KCNK9: variants seen among roughly 807,000 people sequenced by gnomAD.
The protein encoded by KCNK9 is potassium channel subfamily K member 9.
A neutral mutation model predicts 10.8 loss-of-function variants in KCNK9; 1 was observed. The ratio of observed to expected loss-of-function variants is 0.09; its 90% CI spans 0.03 to 0.44. The LOEUF (loss-of-function observed/expected upper bound fraction) is 0.44. Ranked by LOEUF, KCNK9 falls within the 20% of genes least tolerant of loss-of-function variation. KCNK9 has a pLI of 0.97. For synonymous variants in KCNK9, 231 were observed against 222.7 expected, an observed-to-expected ratio of 1.04 and a Z score of -0.33; for missense variants, 303 against 515.0, an observed-to-expected ratio of 0.59 and a Z score of 3.98.
chr8:139,632,147 C>T (rs16911105), intron 1 of KCNK9, among the ~76,000 whole-genome samples: 2,457 of 152,300 alleles, frequency 0.016, 79 homozygotes, highest in East Asian at 0.087. Flanking sequence ...GGATTTGCCG[C>T]AACGCCCATT....
intron 1 of KCNK9, among the ~76,000 whole-genome samples, chr8:139,625,557 G>A (rs1279026908): frequency 6.6e-6 from 1 of 152,136 alleles, no homozygotes; most frequent in Non-Finnish European, 1.5e-5. Context: ...CAATCCCTAA[G>A]CCCAGGGCCC....
chr8:139,674,672 C>T (rs1447543212), intron 1 of KCNK9, among the ~76,000 whole-genome samples: 1 of 152,154 alleles, frequency 6.6e-6, no homozygotes, highest in Non-Finnish European at 1.5e-5. Flanking sequence ...GCCAGACGGT[C>T]TCTCCCCTCT....
At chr8:139,619,324 A>G (rs970282076) in intron 1 of KCNK9, among the ~76,000 whole-genome samples, 1 of 152,108 alleles carries the variant, frequency 6.6e-6, no homozygotes, top group Non-Finnish European at 1.5e-5. Context: ...GCAGGGGGGT[A>G]GGAACATTTC....
chr8:139,680,302 C>A (rs544308819), intron 1 of KCNK9, among the ~76,000 whole-genome samples: 1 of 152,142 alleles, frequency 6.6e-6, no homozygotes, highest in Non-Finnish European at 1.5e-5. Flanking sequence ...GGAAACTTCC[C>A]CAGGGCTGTG....
intron 1 of KCNK9, among the ~76,000 whole-genome samples, chr8:139,699,961 G>T (rs1390463375): frequency 6.6e-6 from 1 of 152,160 alleles, no homozygotes; most frequent in African/African-American, 2.4e-5. Context: ...AAACGCCAAT[G>T]AAGATTAACC....
chr8:139,650,024 A>G (rs1815813154), intron 1 of KCNK9, among the ~76,000 whole-genome samples: 2 of 152,196 alleles, frequency 1.3e-5, no homozygotes, highest in African/African-American at 4.8e-5. Context: ...ACCTGGGGAA[A>G]GAGAAGTGGC....
chr8:139,642,081 G>T (rs1195403632), intron 1 of KCNK9, among the ~76,000 whole-genome samples: 4 of 152,228 alleles, frequency 2.6e-5, no homozygotes, highest in African/African-American at 9.6e-5. Context: ...AGATAGTCTA[G>T]AACAGATTTC....
chr8:139,606,580 C>T (rs1364163654), intron 2 of KCNK9, among the ~76,000 whole-genome samples: 2 of 152,152 alleles, frequency 1.3e-5, no homozygotes, highest in Non-Finnish European at 2.9e-5. Context: ...GAGTCAAAAG[C>T]AACAAGTTTT....
chr8:139,701,383 A>G (rs2129824832), intron 1 of KCNK9, among the ~76,000 whole-genome samples: 1 of 152,366 alleles, frequency 6.6e-6, no homozygotes, highest in East Asian at 1.9e-4. Flanking sequence ...ACCAAGAAGG[A>G]AAGACAGGCC....
chr8:139,703,022 C>A lies in KCNK9; in HGVS notation c.-30G>T, dbSNP rs1276965586. The A allele has an allele frequency of 1.3e-6, 2 of 1,541,322 alleles. No homozygotes were observed. The highest frequency in any genetic ancestry group is 2.0e-5 in the Admixed American group (1 of 51,044). On this transcript the variant is annotated 5_prime_UTR_variant, in exon 1 of 2. The change abolishes an upstream ATG in the 5' untranslated region. Coordinates refer to ENST00000520439, the MANE Select transcript of KCNK9 (RefSeq NM_001282534.2). This position sits in a 1 kb window ranked among gnomAD's most constrained non-coding sequence, Gnocchi z 6.4. ...GCCAGCAAGGAGCCGGCGCGGGGGG[C>A]ATGTCCCGCAGGCTCACAGCCGCGC...
At chr8:139,657,945 C>T (rs1816061199) in intron 1 of KCNK9, among the ~76,000 whole-genome samples, 2 of 152,158 alleles carry the variant, frequency 1.3e-5, no homozygotes, top group Admixed American at 1.3e-4. Context: ...CAGGTCTCCC[C>T]CACAGGACAG....
intron 1 of KCNK9, among the ~76,000 whole-genome samples, chr8:139,645,327 C>T (rs1005307001): frequency 6.6e-6 from 1 of 152,144 alleles, no homozygotes; most frequent in Non-Finnish European, 1.5e-5. Flanking sequence ...GCCCACTAGA[C>T]TCAAGGATTC....
intron 1 of KCNK9, among the ~76,000 whole-genome samples, chr8:139,687,420 G>T (rs564748028): frequency 7.2e-6 from 1 of 138,094 alleles, no homozygotes. Context: ...TCATATATGT[G>T]TATACATATA....
At chr8:139,652,038 C>T (rs1486038676) in intron 1 of KCNK9, among the ~76,000 whole-genome samples, 1 of 152,154 alleles carries the variant, frequency 6.6e-6, no homozygotes, top group Non-Finnish European at 1.5e-5. Context: ...TGCCTGGAGC[C>T]ATAAGGACCT....
intron 1 of KCNK9, among the ~76,000 whole-genome samples, chr8:139,630,403 G>A (rs1001852857): frequency 2.6e-5 from 4 of 152,090 alleles, no homozygotes; most frequent in African/African-American, 7.2e-5. Flanking sequence ...CGCCGCCGCC[G>A]CCCCCACCTC....
rs143885346 is a variant in KCNK9 at position 139,637,112 on chromosome 8, A to G, written c.284-18013T>C. Among the ~76,000 whole-genome samples the G allele has an allele frequency of 4.8e-4, 73 of 152,364 alleles. 1 individual carries two copies. The East Asian group carries it at 0.013, about 28-fold the overall frequency. On this transcript the variant is annotated intron_variant, in intron 1 of 1. Coordinates refer to ENST00000520439, the MANE Select transcript of KCNK9 (RefSeq NM_001282534.2). ...TACAACATACTCCCGGGAGCCTAAA[A>G]GGCTGTGTGCATGTACAAGGCATGT...
intron 1 of KCNK9, among the ~76,000 whole-genome samples, chr8:139,638,589 C>G (rs1432516741): frequency 6.6e-6 from 1 of 152,206 alleles, no homozygotes; most frequent in Non-Finnish European, 1.5e-5. Flanking sequence ...AAGCAGGGAG[C>G]TTCGCTGGGT....
intron 1 of KCNK9, among the ~76,000 whole-genome samples, chr8:139,641,306 G>C (rs1408942198): frequency 6.6e-6 from 1 of 152,172 alleles, no homozygotes; most frequent in Non-Finnish European, 1.5e-5. Flanking sequence ...TGCTGTCTGT[G>C]GGGCTCCCAT....
chr8:139,624,449 T>G (rs1223869843), intron 1 of KCNK9, among the ~76,000 whole-genome samples: 3 of 152,126 alleles, frequency 2.0e-5, no homozygotes, highest in Non-Finnish European at 4.4e-5. Context: ...TGAGTGGCTG[T>G]CCCAGCTTTC....
Sources: gnomAD v4.1 joint callset for allele counts (sites outside exome capture counted in the v4.1 genomes callset) on GRCh38, gnomAD v4.1.1 for gene constraint, Gnocchi (gnomAD v3.1) non-coding constraint, MANE v1.5 for transcripts, NCBI Gene and HGNC (gene_info 2026-07-23, HGNC 2026-07-21) for gene names.